The following SAMHD1 variants were observed in gnomAD, a reference collection of about 807,000 sequenced individuals.
SAMHD1 encodes deoxynucleoside triphosphate triphosphohydrolase SAMHD1.
SAMHD1 carries 54 observed loss-of-function variants against 79.6 expected under a neutral mutation model. That is an observed-to-expected ratio of 0.68 (90% CI 0.55 to 0.85). SAMHD1 has a LOEUF of 0.85. SAMHD1 is among the 40% of genes least tolerant of loss of function. The pLI is 0.00. For missense variants in SAMHD1, 663 were observed against 782.7 expected (o/e 0.85, Z 1.82); for synonymous variants, 260 against 264.1 (o/e 0.98, Z 0.15).
chr20:36,932,080 G>C (rs201596221), intron 4 of SAMHD1, among the ~76,000 whole-genome samples: 2 of 152,154 alleles, frequency 1.3e-5, no homozygotes, highest in East Asian at 3.9e-4. Flanking sequence ...GGGAGTTCAA[G>C]AACAGCCTGG....
intron 15 of SAMHD1, chr20:36,893,612 T>C: frequency 2.9e-6 from 1 of 347,020 alleles, no homozygotes; most frequent in Non-Finnish European, 5.1e-6. Context: ...AGGGAGGCGA[T>C]ACAATGACGT....
At chr20:36,893,264 G>A in intron 15 of SAMHD1, 198 bp from the exon 16 acceptor site, 1 of 648,068 alleles carries the variant, frequency 1.5e-6, no homozygotes, top group Admixed American at 2.7e-5. Flanking sequence ...TACGCAGGAA[G>A]AGCCTTCATG....
At chr20:36,916,262 C>T (rs2063474426) in intron 9 of SAMHD1, among the ~76,000 whole-genome samples, 1 of 152,116 alleles carries the variant, frequency 6.6e-6, no homozygotes, top group Admixed American at 6.6e-5. Context: ...AATTTGCTTG[C>T]CTGTTGAATG....
intron 6 of SAMHD1, among the ~76,000 whole-genome samples, chr20:36,925,488 G>A (rs771803020): frequency 3.3e-5 from 5 of 152,184 alleles, no homozygotes; most frequent in Admixed American, 6.6e-5. Flanking sequence ...CCATTTTACT[G>A]GCTTGCAGAA....
At position 36,916,769 on chromosome 20, in the gene SAMHD1, G is replaced by C; in HGVS notation, c.1015C>G (p.Arg339Gly). 1.2e-6 allele frequency: 2 copies of C among 1,613,878 alleles called. No individual in the cohort carries two copies. Among genetic ancestry groups the C allele is most frequent in the Non-Finnish European group, 1.7e-6 (2 of 1,179,932 alleles). ...FDYKRFIKFA[R>G]VCEVDNELRI... is the part of the protein sequence containing the mutation. ...AACTCATTGTCTACTTCACAGACAC[G>C]GGCAAACTTAATAAAGCGCTTGTAA... The change falls in exon 9 of 16, where the codon CGT (arginine) becomes GGT (glycine). Residue 339 changes from arginine to glycine, a missense_variant. Transcript: ENST00000646673.
chr20:36,903,537 CAA>C (rs1402514798), intron 13 of SAMHD1, among the ~76,000 whole-genome samples: 50 of 130,236 alleles, frequency 3.8e-4, no homozygotes, highest in Middle Eastern at 5.1e-3. Context: ...CCGTGCCCAG[CAA>C]TTTTTTTTTT....
Position 36,946,425 on chromosome 20 carries a change from A to C in SAMHD1, c.275+313T>G, listed in dbSNP as rs921517895. On this transcript the variant is annotated intron_variant, in intron 2 of 15. Coordinates refer to ENST00000646673, the MANE Select transcript of SAMHD1 (RefSeq NM_015474.4). Reference sequence around the variant, plus strand: ...GAGACTCTGTCTCAAAAAAAAAAAAAACCGAAAAAAAATTAGTGGGGCATG... The same window carrying C: ...GAGACTCTGTCTCAAAAAAAAAAAACACCGAAAAAAAATTAGTGGGGCATG... 1.1e-3 allele frequency: 300 copies of C among 281,958 alleles called. 3 individuals carry two copies. The highest frequency in any genetic ancestry group is 6.5e-3 in the African/African-American group (291 of 44,464). 17.5% of individuals were successfully genotyped at this position (281,958 alleles called of 1,614,324 possible). A position where few individuals can be genotyped will look rare whatever the true frequency, so the allele number is the denominator to read the frequency against.
rs1568756345 is a variant in SAMHD1 at position 36,892,941 on chromosome 20, G to T, written c.1872C>A (p.Asp624Glu). 6.2e-7 allele frequency: 1 copy of T among 1,613,992 alleles called. No individual in the cohort carries two copies. Among genetic ancestry groups the T allele is most frequent in the East Asian group, 2.2e-5 (1 of 44,870 alleles). The stretch of plus-strand genomic sequence containing the variant: ...AACTGACTACAGACATTCACATTGG[G>T]TCATCTTTAAAAAGCTGGACTCTGC... ...SKSRVQLFKD[D>E]PM is the part of the protein sequence containing the mutation. Residue 624 changes from aspartate (D) to glutamate (E), a missense_variant, in exon 16 of 16, where the codon GAC (aspartate) becomes GAA (glutamate). By Grantham distance (45) the Asp-to-Glu change is conservative. Coordinates refer to ENST00000646673, the MANE Select transcript of SAMHD1 (RefSeq NM_015474.4).
intron 13 of SAMHD1, among the ~76,000 whole-genome samples, chr20:36,901,964 C>G (rs927314044): frequency 6.6e-6 from 1 of 152,152 alleles, no homozygotes; most frequent in Admixed American, 6.6e-5. Context: ...TGTTTCCCCA[C>G]TATAAGAATG....
rs201880612 is a variant in SAMHD1 at position 36,935,097 on chromosome 20, G to T, written c.441C>A (p.Ile147=). ...DTPQFQRLRY[I]KQLGGGYYVF... is the part of the protein sequence containing the mutation. ...CATAGTAACCACCTCCCAGCTGTTT[G>T]ATGTATCGAAGACGTTGAAATTGAG... Residue 147 remains isoleucine, a synonymous_variant, in exon 4 of 16, where the codon ATC becomes ATA. Transcript: ENST00000646673. 6.2e-7 allele frequency: 1 copy of T among 1,614,066 alleles called. No homozygotes were observed. Among genetic ancestry groups the T allele is most frequent in the East Asian group, 2.2e-5 (1 of 44,880 alleles).
At chr20:36,940,527 C>A (rs959623693) in intron 3 of SAMHD1, 2 of 170,276 alleles carry the variant, frequency 1.2e-5, no homozygotes, top group Non-Finnish European at 2.5e-5. Context: ...AGGAAGACCC[C>A]GTCTTTATAA....
At chr20:36,936,543 G>A (rs994007301) in intron 3 of SAMHD1, among the ~76,000 whole-genome samples, 9 of 151,772 alleles carry the variant, frequency 5.9e-5, no homozygotes, top group Admixed American at 2.6e-4. Context: ...GGCTGACCTC[G>A]TGTCCGCCCG....
At chr20:36,927,388 G>C in intron 5 of SAMHD1, 136 bp from the exon 6 acceptor site, 1 of 721,932 alleles carries the variant, frequency 1.4e-6, no homozygotes, top group Non-Finnish European at 2.3e-6. Flanking sequence ...TACAATCTTG[G>C]CTCAACACAA....
downstream of SAMHD1, chr20:36,890,170 T>C (rs1006758032): frequency 1.3e-5 from 2 of 152,170 alleles, no homozygotes; most frequent in African/African-American, 2.4e-5. Context: ...ATGAGTAATA[T>C]GCATTTTTGG....
chr20:36,904,392 A>C, intron 12 of SAMHD1, 143 bp from the exon 13 acceptor site: 1 of 696,582 alleles, frequency 1.4e-6, no homozygotes, highest in Non-Finnish European at 2.6e-6. Flanking sequence ...TACCAATGTC[A>C]CTCGTTAAAC....
chr20:36,893,837 C>A, intron 15 of SAMHD1: 1 of 398,614 alleles, frequency 2.5e-6, no homozygotes, highest in South Asian at 1.3e-4. Flanking sequence ...CCTACTCTGT[C>A]TCACAGGAGC....
intron 13 of SAMHD1, among the ~76,000 whole-genome samples, chr20:36,899,966 C>T (rs948476495): frequency 1.3e-5 from 2 of 151,694 alleles, no homozygotes; most frequent in South Asian, 2.1e-4. Flanking sequence ...TGGTGGCAGG[C>T]GCCTGTAGTC....
At position 36,927,247 on chromosome 20, in the gene SAMHD1, C is replaced by T. The variant is rs759491812; in HGVS notation, c.631G>A (p.Gly211Arg). The change falls in exon 6 of 16, where the codon GGG (glycine) becomes AGG (arginine). Residue 211 changes from glycine to arginine, a missense_variant. By Grantham distance (125) the Gly-to-Arg change is moderately radical. Coordinates refer to ENST00000646673, the MANE Select transcript of SAMHD1 (RefSeq NM_015474.4). ...IAGLCHDLGH[G>R]PFSHMFDGRF... is the part of the protein sequence containing the mutation. ...CCATCAAACATGTGAGAAAATGGCC[C>T]ATGACCTTAAAAACAAAAGCAGCCT... 2.0e-5 allele frequency: 33 copies of T among 1,613,232 alleles called. No homozygotes were observed. The highest frequency in any genetic ancestry group is 2.5e-5 in the Non-Finnish European group (29 of 1,179,770).
chr20:36,947,759 C>G (rs1477022233), intron 1 of SAMHD1, among the ~76,000 whole-genome samples: 2 of 152,058 alleles, frequency 1.3e-5, no homozygotes, highest in Non-Finnish European at 2.9e-5. Context: ...CCTTGACCTC[C>G]TGGGCTCAAG....
Sources: gnomAD v4.1 joint callset for allele counts (sites outside exome capture counted in the v4.1 genomes callset) on GRCh38, gnomAD v4.1.1 for gene constraint, MANE v1.5 for transcripts, NCBI Gene and HGNC (gene_info 2026-07-23, HGNC 2026-07-21) for gene names.